Variants in MED12L observed in about 807,000 individuals in gnomAD.
MED12L encodes the protein mediator complex subunit 12L.
A neutral mutation model predicts 281.3 loss-of-function variants in MED12L; 60 were observed. The ratio of observed to expected loss-of-function variants is 0.21; its 90% CI spans 0.17 to 0.26. The LOEUF is 0.26. MED12L is among the 10% of genes least tolerant of loss of function. The probability of loss-of-function intolerance (pLI) is 1.00; values close to 1 mark genes in which losing one functional copy is unlikely to be tolerated. For missense variants in MED12L, 2,146 were observed against 2,680.9 expected, an observed-to-expected ratio of 0.80 and a Z score of 4.41; for synonymous variants, 974 against 987.2, an observed-to-expected ratio of 0.99 and a Z score of 0.25.
intron 16 of MED12L, among the ~76,000 whole-genome samples, chr3:151,234,697 A>G (rs967741145): frequency 2.0e-5 from 3 of 152,224 alleles, no homozygotes; most frequent in Non-Finnish European, 2.9e-5. Flanking sequence ...TCGAAGCCTC[A>G]GTTACTGTAA....
intron 16 of MED12L, chr3:151,213,684 C>T: frequency 6.2e-7 from 1 of 1,614,162 alleles, no homozygotes; most frequent in Non-Finnish European, 8.5e-7. Context: ...TAAAGATTTT[C>T]TTTGTGATAG....
chr3:151,315,302 GC>G (rs2149795625), intron 16 of MED12L, among the ~76,000 whole-genome samples: 1 of 152,292 alleles, frequency 6.6e-6, no homozygotes, highest in South Asian at 2.1e-4. Context: ...ACTCTGAAGA[GC>G]ACAAACAGCA....
chr3:151,109,343 C>T (rs905269303), intron 2 of MED12L, among the ~76,000 whole-genome samples: 14 of 152,118 alleles, frequency 9.2e-5, no homozygotes, highest in African/African-American at 2.7e-4. Context: ...CGCACTGGGC[C>T]GAAGGTCTGA....
Position 151,185,441 on chromosome 3 carries a change from C to A in MED12L, c.1606C>A (p.Gln536Lys), listed in dbSNP as rs1423567753. ...TGTGGCAAAACTCCTGGAGAAGAGG[C>A]AAGCAGAAATTGAGGCAGAGGTAGG... Reference protein sequence around the residue: ...MAVAKLLEKRQAEIEAERCGE... With the variant: ...MAVAKLLEKRKAEIEAERCGE... The change falls in exon 12 of 45, where the codon CAA becomes AAA. Residue 536 changes from glutamine to lysine, a missense_variant. Transcript: ENST00000687756. The A allele has an allele frequency of 1.2e-6, 2 of 1,613,902 alleles. No homozygotes were observed. The highest frequency in any genetic ancestry group is 1.7e-6 in the Non-Finnish European group (2 of 1,179,960).
intron 5 of MED12L, 116 bp downstream of exon 5, chr3:151,128,100 A>G: frequency 1.1e-6 from 1 of 894,076 alleles, no homozygotes; most frequent in Non-Finnish European, 1.7e-6. Flanking sequence ...CCGTGGTGAG[A>G]CTGATTTGCT....
chr3:151,305,477 CT>C (rs1746515272), intron 16 of MED12L, among the ~76,000 whole-genome samples: 1 of 152,096 alleles, frequency 6.6e-6, no homozygotes, highest in African/African-American at 2.4e-5. Context: ...TCAGTTTCTC[CT>C]TGCTTTTGGA....
chr3:151,116,482 T>A, intron 3 of MED12L, 40 bp downstream of exon 3: 1 of 1,261,306 alleles, frequency 7.9e-7, no homozygotes, highest in Non-Finnish European at 1.2e-6. Flanking sequence ...CCTGAAAAAG[T>A]GTGTATATGT....
chr3:151,123,000 T>TA, intron 4 of MED12L, 26 bp downstream of exon 4: 12 of 1,544,424 alleles, frequency 7.8e-6, no homozygotes, highest in Non-Finnish European at 1.1e-5. Flanking sequence ...TACATTGTTT[T>TA]AGTTATGGTC....
intron 16 of MED12L, among the ~76,000 whole-genome samples, chr3:151,206,263 T>G (rs951253181): frequency 2.6e-5 from 4 of 151,972 alleles, no homozygotes; most frequent in East Asian, 3.9e-4. Flanking sequence ...AATTCTGCCT[T>G]GTTTTTTTTT....
chr3:151,429,537 A>G (rs1211237555), intron 43 of MED12L, among the ~76,000 whole-genome samples: 1 of 152,222 alleles, frequency 6.6e-6, no homozygotes, highest in Non-Finnish European at 1.5e-5. Context: ...AAAAAAGTAA[A>G]TTGGCACTAC....
At chr3:151,337,969 G>A (rs755407151) in intron 16 of MED12L, 1 of 1,614,084 alleles carries the variant, frequency 6.2e-7, no homozygotes, top group Non-Finnish European at 8.5e-7. Context: ...AACGGATCCA[G>A]GCATGCATTT....
intron 16 of MED12L, among the ~76,000 whole-genome samples, chr3:151,280,237 G>A (rs1006134957): frequency 6.6e-6 from 1 of 152,162 alleles, no homozygotes; most frequent in African/African-American, 2.4e-5. Flanking sequence ...CCCACCCAGG[G>A]GGACAGTTGT....
At chr3:151,248,802 T>G (rs1356500608) in intron 16 of MED12L, 2 of 152,202 alleles carry the variant, frequency 1.3e-5, no homozygotes, top group Non-Finnish European at 2.9e-5. Context: ...CAAAGCCATT[T>G]TACATTGTAA....
At chr3:151,178,157 CAAAAAAAAAAAAAAAA>C (rs10572929) in intron 11 of MED12L, among the ~76,000 whole-genome samples, 6 of 49,124 alleles carry the variant, frequency 1.2e-4, no homozygotes, top group Non-Finnish European at 2.4e-4. Flanking sequence ...GACTTGGTCT[CAAAAAAAAAAAAAAAA>C]AAAAAAAAAA....
intron 5 of MED12L, among the ~76,000 whole-genome samples, chr3:151,136,836 G>A (rs1472700801): frequency 6.6e-6 from 1 of 152,100 alleles, no homozygotes; most frequent in Non-Finnish European, 1.5e-5. Flanking sequence ...CATCTCCACA[G>A]TGGTGAAAAA....
chr3:151,328,999 C>T (rs1281449027), intron 16 of MED12L: 1 of 1,587,482 alleles, frequency 6.3e-7, no homozygotes, highest in Non-Finnish European at 8.6e-7. Flanking sequence ...TCATTGCTTC[C>T]AGTGTCACCT....
At chr3:151,295,359 A>G (rs1198677294) in intron 16 of MED12L, 5 of 602,992 alleles carry the variant, frequency 8.3e-6, no homozygotes. Context: ...GCACATTGTT[A>G]ATGTTTTGAG....
At chr3:151,178,180 A>AAAAAAAAAAAAAAAAAAAAAAAAAAAAG (rs1560124043) in intron 11 of MED12L, among the ~76,000 whole-genome samples, 1 of 151,266 alleles carries the variant, frequency 6.6e-6, no homozygotes, top group African/African-American at 2.4e-5. Flanking sequence ...AAAAAAAAAA[A>AAAAAAAAAAAAAAAAAAAAAAAAAAAAG]AAAAGAAAGT....
intron 5 of MED12L, among the ~76,000 whole-genome samples, chr3:151,134,706 G>A (rs190426308): frequency 6.6e-6 from 1 of 152,168 alleles, no homozygotes; most frequent in Non-Finnish European, 1.5e-5. Context: ...AAGAAGAGAC[G>A]CTTCCTAGGA....
Sources: gnomAD v4.1 joint callset for allele counts (sites outside exome capture counted in the v4.1 genomes callset) on GRCh38, gnomAD v4.1.1 for gene constraint, MANE v1.5 for transcripts, NCBI Gene and HGNC (gene_info 2026-07-23, HGNC 2026-07-21) for gene names.